OR51E2: variants seen among roughly 807,000 people sequenced by gnomAD.
OR51E2 encodes the protein olfactory receptor 51E2.
Under a neutral mutation model 13.7 loss-of-function variants are expected in OR51E2, and 14 were observed. The ratio of observed to expected loss-of-function variants is 1.02; its 90% CI spans 0.68 to 1.60. The LOEUF is 1.60. OR51E2 is among the 40% of genes most tolerant of loss of function. The probability of loss-of-function intolerance (pLI) is 0.00; values close to 1 mark genes in which losing one functional copy is unlikely to be tolerated. For missense variants in OR51E2, 483 were observed against 413.8 expected (o/e 1.17, Z -1.45); for synonymous variants, 180 against 157.6 (o/e 1.14, Z -1.07).
chr11:4,681,612 G>T lies in OR51E2; in HGVS notation c.*137C>A. The T allele has an allele frequency of 1.2e-6, 1 of 868,726 alleles. No homozygotes were observed. Among genetic ancestry groups the T allele is most frequent in the East Asian group, 2.5e-5 (1 of 39,246 alleles). The allele number at this position is 868,726 out of a possible 1,614,324, so 53.8% of individuals were successfully genotyped here. On this transcript the variant is annotated 3_prime_UTR_variant, in exon 2 of 2. Coordinates refer to ENST00000396950, the MANE Select transcript of OR51E2 (RefSeq NM_030774.4). ...ATTCCACATAATAGTCCTTTAGGTA[G>T]ATGTACCATACTTTAGTTTACTATT...
At chr11:4,693,624 G>C (rs905458203) in intron 1 of OR51E2, among the ~76,000 whole-genome samples, 1 of 152,170 alleles carries the variant, frequency 6.6e-6, no homozygotes, top group Non-Finnish European at 1.5e-5. Context: ...GGGAGGCTGA[G>C]GCAGGAGAAT....
At position 4,686,931 on chromosome 11, in the gene OR51E2, C is replaced by T. The variant is rs78534144; in HGVS notation, c.-50-4170G>A. On this transcript the variant is annotated intron_variant, in intron 1 of 1. Coordinates refer to ENST00000396950, the MANE Select transcript of OR51E2 (RefSeq NM_030774.4). ...GACAGGAGGACTGTCCACAGGTTAG[C>T]ATTTGTGAGGTGAGGTGGGGGACGA... Among the ~76,000 whole-genome samples, 3 of 152,210 alleles carry T rather than the reference C, an allele frequency of 2.0e-5. No individual in the cohort carries two copies. In the East Asian group the frequency reaches 5.8e-4, roughly 29 times the overall value.
At chr11:4,688,882 C>T (rs1300275667) in intron 1 of OR51E2, among the ~76,000 whole-genome samples, 3 of 152,190 alleles carry the variant, frequency 2.0e-5, no homozygotes, top group South Asian at 2.1e-4. Flanking sequence ...TTTGTCTCAA[C>T]ACATTGGAAG....
At chr11:4,688,711 T>C (rs1033180853) in intron 1 of OR51E2, among the ~76,000 whole-genome samples, 1 of 152,196 alleles carries the variant, frequency 6.6e-6, no homozygotes, top group African/African-American at 2.4e-5. Context: ...AGGTCCAAGA[T>C]GATGGCTTGC....
At chr11:4,690,192 G>A (rs912850866) in intron 1 of OR51E2, among the ~76,000 whole-genome samples, 1 of 151,602 alleles carries the variant, frequency 6.6e-6, no homozygotes, top group African/African-American at 2.4e-5. Context: ...GTTACTAGCT[G>A]TTTAAGCAAG....
intron 1 of OR51E2, among the ~76,000 whole-genome samples, chr11:4,684,102 A>T (rs76164054): frequency 6.6e-6 from 1 of 152,192 alleles, no homozygotes; most frequent in Admixed American, 6.5e-5. Context: ...AATTAGTACA[A>T]AGAGATTTGA....
rs1225219743 is a variant in OR51E2, at chr11:4,680,520, A to G, written c.*1229T>C. ...AATGGCAGATGTTACACAGGAAGCAATATAACATGGTCATTAAGTAACTGT... is the reference window on the plus strand; with the variant it reads ...AATGGCAGATGTTACACAGGAAGCAGTATAACATGGTCATTAAGTAACTGT... On this transcript the variant is annotated 3_prime_UTR_variant, in exon 2 of 2. Coordinates refer to ENST00000396950, the MANE Select transcript of OR51E2 (RefSeq NM_030774.4). 6.5e-6 allele frequency: 1 copy of G among 152,690 alleles called. No individual in the cohort carries two copies. Among genetic ancestry groups the G allele is most frequent in the Non-Finnish European group, 1.5e-5 (1 of 68,046 alleles). 9.5% of individuals were successfully genotyped at this position (152,690 alleles called of 1,614,324 possible). A position where few individuals can be genotyped will look rare whatever the true frequency, so the allele number is the denominator to read the frequency against.
At chr11:4,691,373 A>G (rs1307532134) in intron 1 of OR51E2, 5 of 457,872 alleles carry the variant, frequency 1.1e-5, no homozygotes, top group African/African-American at 2.0e-5. Context: ...ATTCCATGAC[A>G]GTGAAGAATT....
chr11:4,695,776 G>GT (rs34082897), intron 1 of OR51E2, among the ~76,000 whole-genome samples: 5 of 150,784 alleles, frequency 3.3e-5, no homozygotes, highest in African/African-American at 1.2e-4. Context: ...ATTCTGTGAG[G>GT]TTTTTTTTTT....
chr11:4,681,473 T>G lies in OR51E2; in HGVS notation c.*276A>C, dbSNP rs894579605. 1 of 417,956 alleles carries G rather than the reference T, an allele frequency of 2.4e-6. No individual in the cohort carries two copies. The highest frequency in any genetic ancestry group is 2.0e-5 in the African/African-American group (1 of 50,874). The allele number at this position is 417,956 out of a possible 1,614,324, so 25.9% of individuals were successfully genotyped here. On this transcript the variant is annotated 3_prime_UTR_variant, in exon 2 of 2. Coordinates refer to ENST00000396950, the MANE Select transcript of OR51E2 (RefSeq NM_030774.4). ...TTGAGCACATTTCCTCCAAGGCATATGCTATTTTTCAACTTGGTTTCAATC... is the reference window on the plus strand; with the variant it reads ...TTGAGCACATTTCCTCCAAGGCATAGGCTATTTTTCAACTTGGTTTCAATC...
At chr11:4,690,025 T>TTA (rs1034595149) in intron 1 of OR51E2, among the ~76,000 whole-genome samples, 62 of 147,850 alleles carry the variant, frequency 4.2e-4, no homozygotes, top group African/African-American at 1.5e-3. Context: ...AAATATAAGT[T>TTA]TATATATATA....
In OR51E2 at chr11:4,681,883, C is replaced by T; in HGVS notation, c.829G>A (p.Asp277Asn). The T allele has an allele frequency of 2.5e-6, 4 of 1,614,156 alleles. No individual in the cohort carries two copies. The highest frequency in any genetic ancestry group is 3.4e-6 in the Non-Finnish European group (4 of 1,180,034). Reference sequence around the variant, plus strand: ...ACAGGAGGCAGCAGCAGGTAGATGTCACCCATGACAACACGCACAATGGGA... The same window carrying T: ...ACAGGAGGCAGCAGCAGGTAGATGTTACCCATGACAACACGCACAATGGGA... ...LHPIVRVVMG[D>N]IYLLLPPVIN... The change falls in exon 2 of 2, where the codon GAC becomes AAC. Residue 277 changes from aspartate to asparagine, a missense_variant. Coordinates refer to ENST00000396950, the MANE Select transcript of OR51E2 (RefSeq NM_030774.4).
chr11:4,691,110 C>T, intron 1 of OR51E2: 1 of 456,634 alleles, frequency 2.2e-6, no homozygotes, highest in South Asian at 1.6e-5. Context: ...CCCAACTGCA[C>T]TGTTGATTCT....
intron 1 of OR51E2, among the ~76,000 whole-genome samples, chr11:4,697,003 G>A (rs1847663588): frequency 6.6e-6 from 1 of 152,166 alleles, no homozygotes; most frequent in Non-Finnish European, 1.5e-5. Context: ...CGTGTTCTGT[G>A]AACATTATTG....
In OR51E2 at chr11:4,682,705, A is replaced by C; in HGVS notation, c.7T>G (p.Ser3Ala). Residue 3 changes from serine (S) to alanine (A), a missense_variant, in exon 2 of 2, where the codon TCC becomes GCC. Coordinates refer to ENST00000396950, the MANE Select transcript of OR51E2 (RefSeq NM_030774.4). Reference sequence around the variant, plus strand: ...AAGGTGGCATGTGTGAAGTTGCAGGAACTCATAGCTGGAACTGAGGAGGGG... The same window carrying C: ...AAGGTGGCATGTGTGAAGTTGCAGGCACTCATAGCTGGAACTGAGGAGGGG... MS[S>A]CNFTHATFVL... 6.2e-7 allele frequency: 1 copy of C among 1,612,998 alleles called. No homozygotes were observed. The highest frequency in any genetic ancestry group is 1.1e-5 in the South Asian group (1 of 90,976).
rs182485690 is a variant in OR51E2 at position 4,692,918 on chromosome 11, A to C, written c.-51+4735T>G. Among the ~76,000 whole-genome samples, 7 of 152,290 alleles carry C rather than the reference A, an allele frequency of 4.6e-5. No homozygotes were observed. In the East Asian group the frequency reaches 1.4e-3, roughly 29 times the overall value. ...AACAGAAAACTAGATGAAAAACAAG[A>C]AATTATAGATTACACGATTTGGCCA... On this transcript the variant is annotated intron_variant, in intron 1 of 1. Coordinates refer to ENST00000396950, the MANE Select transcript of OR51E2 (RefSeq NM_030774.4).
chr11:4,682,394 G>A lies in OR51E2; in HGVS notation c.318C>T (p.Leu106=), dbSNP rs773424889. 6.2e-7 allele frequency: 1 copy of A among 1,614,226 alleles called. No individual in the cohort carries two copies. Among genetic ancestry groups the A allele is most frequent in the South Asian group, 1.1e-5 (1 of 91,084 alleles). Residue 106 remains leucine, a synonymous_variant, in exon 2 of 2, where the codon CTC becomes CTT. Coordinates refer to ENST00000396950, the MANE Select transcript of OR51E2 (RefSeq NM_030774.4). The stretch of plus-strand genomic sequence containing the variant: ...GCAGGATGGTGGATTCAATGGCTGA[G>A]AGGGCATGAATAAAGAACATCTGGG... ...CLTQMFFIHA[L]SAIESTILLA...
At chr11:4,687,114 A>G (rs545352342) in intron 1 of OR51E2, among the ~76,000 whole-genome samples, 1 of 152,198 alleles carries the variant, frequency 6.6e-6, no homozygotes, top group South Asian at 2.1e-4. Flanking sequence ...TAAACAAAAA[A>G]TCTAGTCTGT....
At chr11:4,690,715 A>G (rs1324007069) in intron 1 of OR51E2, 1 of 348,746 alleles carries the variant, frequency 2.9e-6, no homozygotes, top group South Asian at 2.3e-5. Context: ...GACCTGAAGT[A>G]TACCATCTTG....
Sources: allele counts gnomAD v4.1 joint callset (sites outside exome capture counted in the v4.1 genomes callset), GRCh38; gene constraint gnomAD v4.1.1; transcripts MANE v1.5; gene names NCBI Gene and HGNC (gene_info 2026-07-23, HGNC 2026-07-21).